The following ADAM12 variants were observed in gnomAD, a reference collection of about 807,000 sequenced individuals.
ADAM12 encodes the protein ADAM metallopeptidase domain 12, also known as disintegrin and metalloproteinase domain-containing protein 12.
Under a neutral mutation model 106.4 loss-of-function variants are expected in ADAM12, and 70 were observed. The ratio of observed to expected loss-of-function variants is 0.66; its 90% CI spans 0.54 to 0.80. The LOEUF (loss-of-function observed/expected upper bound fraction) is 0.80. Ranked by LOEUF, ADAM12 falls within the 30% of genes least tolerant of loss-of-function variation. The pLI, the probability that ADAM12 is intolerant of heterozygous loss-of-function variation, is 0.00. For missense variants in ADAM12, 1,010 were observed against 1,171.9 expected, an observed-to-expected ratio of 0.86 and a Z score of 2.02; for synonymous variants, 420 against 433.5, an observed-to-expected ratio of 0.97 and a Z score of 0.39.
At chr10:126,296,513 CT>C (rs1342759032) in intron 2 of ADAM12, among the ~76,000 whole-genome samples, 1 of 152,166 alleles carries the variant, frequency 6.6e-6, no homozygotes, top group Non-Finnish European at 1.5e-5. Flanking sequence ...CCAAACACAT[CT>C]TTTGTGAGGG....
chr10:126,146,512 C>T (rs544220302), intron 4 of ADAM12, among the ~76,000 whole-genome samples: 3 of 152,272 alleles, frequency 2.0e-5, no homozygotes, highest in Non-Finnish European at 2.9e-5. Flanking sequence ...ATATCCCTCC[C>T]GTGCACATGA....
chr10:126,069,445 T>C (rs1954939114), intron 12 of ADAM12, among the ~76,000 whole-genome samples: 1 of 152,226 alleles, frequency 6.6e-6, no homozygotes, highest in Non-Finnish European at 1.5e-5. Context: ...GGTAACTGCA[T>C]GCAAGCAGTT....
intron 14 of ADAM12, among the ~76,000 whole-genome samples, chr10:126,061,206 C>A (rs1346304690): frequency 6.6e-6 from 1 of 152,176 alleles, no homozygotes; most frequent in Admixed American, 6.5e-5. Context: ...GCTCACTAGT[C>A]TAAGCTTCCT....
At chr10:126,086,364 A>T (rs1194069567) in intron 11 of ADAM12, among the ~76,000 whole-genome samples, 1 of 151,606 alleles carries the variant, frequency 6.6e-6, no homozygotes, top group East Asian at 2.0e-4. Flanking sequence ...TTCATTTAAC[A>T]CTCTGAGCTC....
chr10:126,255,846 G>A (rs550584889), intron 3 of ADAM12, among the ~76,000 whole-genome samples: 1 of 152,202 alleles, frequency 6.6e-6, no homozygotes, highest in Non-Finnish European at 1.5e-5. Flanking sequence ...CACACGCCTG[G>A]TCATTATGGT....
chr10:126,362,615 T>C (rs1426368176), intron 1 of ADAM12, among the ~76,000 whole-genome samples: 1 of 152,120 alleles, frequency 6.6e-6, no homozygotes, highest in African/African-American at 2.4e-5. Flanking sequence ...ATTCAGTCTT[T>C]AAAAAGAAAA....
chr10:126,306,456 A>G (rs928410999), intron 2 of ADAM12, among the ~76,000 whole-genome samples: 1 of 152,116 alleles, frequency 6.6e-6, no homozygotes, highest in Non-Finnish European at 1.5e-5. Flanking sequence ...ATATTTACCA[A>G]TATGTTTACA....
At chr10:126,192,508 C>T (rs1475901086) in intron 3 of ADAM12, among the ~76,000 whole-genome samples, 1 of 152,148 alleles carries the variant, frequency 6.6e-6, no homozygotes, top group Non-Finnish European at 1.5e-5. Flanking sequence ...CTCCTTGTGT[C>T]AGCCAATGAC....
At position 126,249,620 on chromosome 10, in the gene ADAM12, C is replaced by T. The variant is rs1195695047; in HGVS notation, c.260+29295G>A. ...TTGGGAGGCTGAGGCAGGAGAATGG[C>T]GTCAACCCGGGAGGCGGAGCTTGCA... On this transcript the variant is annotated intron_variant, in intron 3 of 22. Transcript: ENST00000448723. Among the ~76,000 whole-genome samples, 5 of 152,234 alleles carry T rather than the reference C, an allele frequency of 3.3e-5. No individual in the cohort carries two copies. In the East Asian group the frequency reaches 5.8e-4, roughly 18 times the overall value.
chr10:126,325,370 C>A (rs368632841), intron 2 of ADAM12, among the ~76,000 whole-genome samples: 4 of 152,150 alleles, frequency 2.6e-5, no homozygotes, highest in Admixed American at 6.5e-5. Flanking sequence ...CCAGTGAATG[C>A]GGATCACCTT....
chr10:126,373,018 A>G (rs1856164073), intron 1 of ADAM12, among the ~76,000 whole-genome samples: 1 of 152,206 alleles, frequency 6.6e-6, no homozygotes, highest in Non-Finnish European at 1.5e-5. Context: ...GACATGTCCA[A>G]ATTTTAGTGG....
chr10:126,378,559 T>C (rs1403168450), intron 1 of ADAM12, among the ~76,000 whole-genome samples: 1 of 152,206 alleles, frequency 6.6e-6, no homozygotes, highest in Non-Finnish European at 1.5e-5. Flanking sequence ...TATCAGATAT[T>C]GATTAGGGGT....
intron 5 of ADAM12, among the ~76,000 whole-genome samples, chr10:126,132,581 A>T (rs1056503393): frequency 6.9e-6 from 1 of 144,208 alleles, no homozygotes; most frequent in Non-Finnish European, 1.5e-5. Context: ...CTGTCTCATG[A>T]TGCTCACTAG....
chr10:126,073,492 C>A (rs2133504290), intron 11 of ADAM12, among the ~76,000 whole-genome samples: 1 of 152,180 alleles, frequency 6.6e-6, no homozygotes, highest in South Asian at 2.1e-4. Flanking sequence ...CAGATTATTT[C>A]ATCACCCAGG....
intron 3 of ADAM12, among the ~76,000 whole-genome samples, chr10:126,252,884 C>T (rs1958814695): frequency 6.6e-6 from 1 of 152,150 alleles, no homozygotes; most frequent in South Asian, 2.1e-4. Context: ...GAGCTGATGC[C>T]TTAGCCCTGG....
At chr10:126,198,629 G>A (rs1327489210) in intron 3 of ADAM12, among the ~76,000 whole-genome samples, 1 of 152,158 alleles carries the variant, frequency 6.6e-6, no homozygotes. Flanking sequence ...TGTGGGTGCC[G>A]GGGATCTCTG....
chr10:126,217,259 G>A (rs990722741), intron 3 of ADAM12, among the ~76,000 whole-genome samples: 2 of 151,890 alleles, frequency 1.3e-5, no homozygotes, highest in African/African-American at 4.8e-5. Context: ...AGAGAGCAAA[G>A]GTTACTGAGA....
In ADAM12 at chr10:126,101,215, G is replaced by A. The variant is rs146155068; in HGVS notation, c.768C>T (p.Ile256=). 8.9e-5 allele frequency: 143 copies of A among 1,613,922 alleles called. No homozygotes were observed. Among genetic ancestry groups the A allele is most frequent in the East Asian group, 3.3e-4 (15 of 44,894 alleles). The change falls in exon 9 of 23, where the codon ATC becomes ATT. Residue 256 remains isoleucine, a synonymous_variant. Transcript: ENST00000448723. ...DKFYRPLNIR[I]VLVGVEVWND... ...TCCACACTTCCACGCCTACCAACAC[G>A]ATCCGAATGTTCAGTGGTCTGTAAA...
At chr10:126,199,769 T>C (rs547694719) in intron 3 of ADAM12, among the ~76,000 whole-genome samples, 1 of 152,330 alleles carries the variant, frequency 6.6e-6, no homozygotes. Context: ...AGAATAAGGA[T>C]GCATTCTTTT....
Sources: allele counts gnomAD v4.1 joint callset (sites outside exome capture counted in the v4.1 genomes callset), GRCh38; gene constraint gnomAD v4.1.1; transcripts MANE v1.5; gene names NCBI Gene and HGNC (gene_info 2026-07-23, HGNC 2026-07-21).